The following SETBP1 variants were observed in gnomAD, a reference collection of about 807,000 sequenced individuals.
SETBP1 encodes the protein SET-binding protein.
A neutral mutation model predicts 101.0 loss-of-function variants in SETBP1; 9 were observed. The observed-to-expected ratio is 0.09, with a 90% CI of 0.05 to 0.16. The LOEUF (loss-of-function observed/expected upper bound fraction) is 0.16. SETBP1 is among the 10% of genes least tolerant of loss of function. The probability of loss-of-function intolerance (pLI) is 1.00; values close to 1 mark genes in which losing one functional copy is unlikely to be tolerated. For missense variants in SETBP1, 1,858 were observed against 2,033.8 expected (o/e 0.91, Z 1.66); for synonymous variants, 818 against 788.5 (o/e 1.04, Z -0.63).
intron 2 of SETBP1, among the ~76,000 whole-genome samples, chr18:44,727,842 G>T (rs1223211749): frequency 6.6e-6 from 1 of 152,050 alleles, no homozygotes; most frequent in African/African-American, 2.4e-5. Context: ...TCTTCTTATA[G>T]CCCCCACTTC....
chr18:44,766,447 G>C (rs2070765311), intron 2 of SETBP1, among the ~76,000 whole-genome samples: 1 of 152,114 alleles, frequency 6.6e-6, no homozygotes, highest in Non-Finnish European at 1.5e-5. Flanking sequence ...GAGAACAAAA[G>C]AACAAACACT....
chr18:44,874,845 C>A (rs751388927), intron 3 of SETBP1, among the ~76,000 whole-genome samples: 14 of 152,148 alleles, frequency 9.2e-5, no homozygotes, highest in Non-Finnish European at 2.1e-4. Context: ...ATGCCAAACC[C>A]CAAAGTATTC....
chr18:44,968,436 G>C (rs2071769552), intron 4 of SETBP1, among the ~76,000 whole-genome samples: 1 of 152,308 alleles, frequency 6.6e-6, no homozygotes, highest in Admixed American at 6.5e-5. Context: ...GGCATGATCT[G>C]CTGTACTTCA....
At chr18:45,040,776 G>A (rs1359796872) in intron 5 of SETBP1, among the ~76,000 whole-genome samples, 1 of 152,216 alleles carries the variant, frequency 6.6e-6, no homozygotes, top group Non-Finnish European at 1.5e-5. Context: ...GGTAATCAGA[G>A]CTGAGCCCAG....
chr18:44,881,110 A>G (rs971851758), intron 3 of SETBP1, among the ~76,000 whole-genome samples: 4 of 152,184 alleles, frequency 2.6e-5, no homozygotes, highest in African/African-American at 9.7e-5. Flanking sequence ...GTCTCCTACT[A>G]CACATTTTAT....
Position 44,953,303 on chromosome 18 carries a change from C to A in SETBP1, c.3963C>A (p.Arg1321=). ...EKDIQAFKMN[R]KERSSYDSSM... ...ACATCCAAGCCTTCAAGATGAACCG[C>A]AAGGAGAGAAGTTCTTATGACTCCT... The change falls in exon 4 of 6, where the codon CGC becomes CGA. Residue 1321 remains arginine (R), a synonymous_variant. Transcript: ENST00000649279. 1 of 1,613,984 alleles carries A rather than the reference C, an allele frequency of 6.2e-7. No individual in the cohort carries two copies. The highest frequency in any genetic ancestry group is 8.5e-7 in the Non-Finnish European group (1 of 1,180,028).
At chr18:44,876,977 C>A in intron 3 of SETBP1, 1 of 1,234,256 alleles carries the variant, frequency 8.1e-7, no homozygotes. Flanking sequence ...GGCCCTGATG[C>A]AGCATTCACT....
At chr18:44,718,976 T>C (rs2069525308) in intron 2 of SETBP1, among the ~76,000 whole-genome samples, 1 of 152,124 alleles carries the variant, frequency 6.6e-6, no homozygotes, top group South Asian at 2.1e-4. Context: ...AGAAACACCT[T>C]CAAGCAGAAC....
intron 1 of SETBP1, among the ~76,000 whole-genome samples, chr18:44,691,152 C>G (rs1004912491): frequency 6.6e-5 from 10 of 152,108 alleles, no homozygotes; most frequent in African/African-American, 2.4e-4. Flanking sequence ...AACTAAGAGG[C>G]TTTGTAATCA....
At chr18:44,971,769 G>T (rs2071866686) in intron 4 of SETBP1, among the ~76,000 whole-genome samples, 1 of 152,108 alleles carries the variant, frequency 6.6e-6, no homozygotes, top group Non-Finnish European at 1.5e-5. Flanking sequence ...GTAGATTCTG[G>T]CTATTAGCCC....
At chr18:44,694,306 G>T (rs2068980050) in intron 1 of SETBP1, among the ~76,000 whole-genome samples, 1 of 152,140 alleles carries the variant, frequency 6.6e-6, no homozygotes. Flanking sequence ...GAGCCTCCTG[G>T]GTTCAAGTGA....
intron 1 of SETBP1, among the ~76,000 whole-genome samples, chr18:44,689,127 A>G (rs1484886782): frequency 2.0e-5 from 3 of 152,226 alleles, no homozygotes; most frequent in Non-Finnish European, 4.4e-5. Context: ...TTCAAAGAGT[A>G]TGTGTTTAGG....
chr18:44,897,649 C>A, intron 3 of SETBP1, among the ~76,000 whole-genome samples: 1 of 152,100 alleles, frequency 6.6e-6, no homozygotes, highest in Non-Finnish European at 1.5e-5. Flanking sequence ...AAATGCTGTT[C>A]CAGCTCTCAG....
At chr18:44,977,082 A>T (rs2072005234) in intron 4 of SETBP1, among the ~76,000 whole-genome samples, 1 of 152,192 alleles carries the variant, frequency 6.6e-6, no homozygotes, top group Non-Finnish European at 1.5e-5. Context: ...ACCTCTGAGG[A>T]TTCCTCCATC....
Position 44,949,970 on chromosome 18 carries a change from C to T in SETBP1, c.630C>T (p.His210=). ...DFTGDTLKPK[H]QQKSSSQNHM... is the part of the protein sequence containing the mutation. ...CCGGTGACACCTTAAAACCAAAGCA[C>T]CAGCAAAAAAGCAGCAGCCAGAACC... is the stretch of plus-strand genomic sequence containing the variant. Residue 210 remains histidine (H), a synonymous_variant, in exon 4 of 6, where the codon CAC becomes CAT. Transcript: ENST00000649279. 2 of 1,614,134 alleles carry T rather than the reference C, an allele frequency of 1.2e-6. No homozygotes were observed. Among genetic ancestry groups the T allele is most frequent in the East Asian group, 2.2e-5 (1 of 44,882 alleles).
chr18:44,698,885 A>G (rs1217377775), intron 1 of SETBP1, among the ~76,000 whole-genome samples: 1 of 151,880 alleles, frequency 6.6e-6, no homozygotes, highest in Non-Finnish European at 1.5e-5. Flanking sequence ...TATGACTTGA[A>G]TTTTAAGTTT....
intron 4 of SETBP1, among the ~76,000 whole-genome samples, chr18:44,971,365 T>A (rs1287623691): frequency 3.9e-5 from 6 of 152,140 alleles, no homozygotes; most frequent in Non-Finnish European, 7.4e-5. Context: ...TAGCAGCATG[T>A]TTTATAATCC....
At chr18:44,778,046 A>G (rs2071041588) in intron 2 of SETBP1, among the ~76,000 whole-genome samples, 1 of 152,070 alleles carries the variant, frequency 6.6e-6, no homozygotes, top group African/African-American at 2.4e-5. Flanking sequence ...GGGCTGTGGG[A>G]TGGGCTGGCG....
rs1016908684 is a variant in SETBP1 at position 44,700,416 on chromosome 18, C to T, written c.-172-759C>T. ...AAACCAGAAAGGGAATTACAACTGT[C>T]TAGAAAGGCTATTTTTAATCTAAAT... On this transcript the variant is annotated intron_variant, in intron 1 of 5. Transcript: ENST00000649279. Among the ~76,000 whole-genome samples, 5 of 152,232 alleles carry T rather than the reference C, an allele frequency of 3.3e-5. No individual in the cohort carries two copies. The South Asian group carries it at 6.2e-4, about 19-fold the overall frequency.
Sources: gnomAD v4.1 joint callset for allele counts (sites outside exome capture counted in the v4.1 genomes callset) on GRCh38, gnomAD v4.1.1 for gene constraint, MANE v1.5 for transcripts, NCBI Gene and HGNC (gene_info 2026-07-23, HGNC 2026-07-21) for gene names.